ADAMTSL1: variants seen among roughly 807,000 people sequenced by gnomAD.
ADAMTSL1 encodes the protein ADAMTS like 1.
ADAMTSL1 carries 126 observed loss-of-function variants against 201.8 expected under a neutral mutation model. That is an observed-to-expected ratio of 0.62 (90% confidence interval 0.54 to 0.72). ADAMTSL1 has a LOEUF of 0.72. ADAMTSL1 is among the 30% of genes least tolerant of loss of function. The pLI is 0.00. For missense variants in ADAMTSL1, 2,679 were observed against 2,277.8 expected, an observed-to-expected ratio of 1.18 and a Z score of -3.59; for synonymous variants, 1,121 against 903.4, an observed-to-expected ratio of 1.24 and a Z score of -4.32.
At chr9:18,642,424 A>AT (rs1401229141) in intron 7 of ADAMTSL1, among the ~76,000 whole-genome samples, 1 of 152,020 alleles carries the variant, frequency 6.6e-6, no homozygotes, top group Non-Finnish European at 1.5e-5. Flanking sequence ...ATATTTATCA[A>AT]TTTTTTGTGT....
intron 23 of ADAMTSL1, among the ~76,000 whole-genome samples, chr9:18,836,540 T>C (rs1241425667): frequency 1.3e-5 from 2 of 152,132 alleles, no homozygotes; most frequent in African/African-American, 2.4e-5. Context: ...ATGATGCTTC[T>C]ATCTTTGTTC....
intron 13 of ADAMTSL1, among the ~76,000 whole-genome samples, chr9:18,698,252 G>T (rs1831683878): frequency 6.6e-6 from 1 of 152,102 alleles, no homozygotes; most frequent in Admixed American, 6.6e-5. Context: ...TTGGAAGATA[G>T]CACAAAGCCA....
intron 2 of ADAMTSL1, among the ~76,000 whole-genome samples, chr9:18,426,669 C>G (rs757692394): frequency 1.3e-5 from 2 of 152,028 alleles, no homozygotes; most frequent in African/African-American, 4.8e-5. Context: ...AGGGACATAG[C>G]TCTGAGCCCG....
At chr9:18,774,162 A>T (rs745851980) in intron 17 of ADAMTSL1, among the ~76,000 whole-genome samples, 51 of 152,040 alleles carry the variant, frequency 3.4e-4, no homozygotes, top group Non-Finnish European at 5.1e-4. Flanking sequence ...TCCTTCCCCG[A>T]TGCCCTGCCT....
At chr9:18,045,773 T>TCTTATAAGGACACCAGTCATGGG (rs1586942689) in intron 1 of ADAMTSL1, among the ~76,000 whole-genome samples, 1 of 151,986 alleles carries the variant, frequency 6.6e-6, no homozygotes, top group East Asian at 1.9e-4. Context: ...TTGTGTGGCC[T>TCTTATAAGGACACCAGTCATGGG]TTTTCTACTC....
intron 1 of ADAMTSL1, among the ~76,000 whole-genome samples, chr9:17,908,842 G>A (rs1236018022): frequency 6.6e-6 from 1 of 152,116 alleles, no homozygotes; most frequent in Non-Finnish European, 1.5e-5. Context: ...ACCCAGTAAT[G>A]GGATGGCTGG....
intron 2 of ADAMTSL1, among the ~76,000 whole-genome samples, chr9:18,171,723 C>T (rs1827898476): frequency 6.6e-6 from 1 of 152,056 alleles, no homozygotes; most frequent in South Asian, 2.1e-4. Context: ...GTTGCCATTG[C>T]TTTTGGTGTT....
At chr9:18,399,329 A>ACATATATATAT (rs1817889983) in intron 2 of ADAMTSL1, among the ~76,000 whole-genome samples, 1 of 105,470 alleles carries the variant, frequency 9.5e-6, no homozygotes, top group Non-Finnish European at 1.9e-5. Context: ...ATATATATAT[A>ACATATATATAT]AAATTATTAT....
At chr9:18,888,182 A>C (rs996129202) in intron 24 of ADAMTSL1, 139 bp downstream of exon 24, 2 of 856,784 alleles carry the variant, frequency 2.3e-6, no homozygotes, top group African/African-American at 3.4e-5. Flanking sequence ...CCATGTTTCC[A>C]TACAGTGAGA....
chr9:18,520,905 C>T (rs1006935283), intron 2 of ADAMTSL1, among the ~76,000 whole-genome samples: 2 of 152,118 alleles, frequency 1.3e-5, no homozygotes, highest in African/African-American at 2.4e-5. Context: ...ACTGCTTCTG[C>T]GTGGGATTCA....
At chr9:18,428,943 G>A (rs145690887) in intron 2 of ADAMTSL1, among the ~76,000 whole-genome samples, 1,771 of 152,202 alleles carry the variant, frequency 0.012, 13 homozygotes, top group Non-Finnish European at 0.018. Flanking sequence ...GTGTATAAAC[G>A]TCTCCCTGGA....
chr9:18,592,418 A>G (rs1257210689), intron 4 of ADAMTSL1, among the ~76,000 whole-genome samples: 1 of 152,110 alleles, frequency 6.6e-6, no homozygotes, highest in Non-Finnish European at 1.5e-5. Flanking sequence ...CATCTTTCCA[A>G]TTTGCTTCAA....
At chr9:18,874,120 A>C (rs994968898) in intron 23 of ADAMTSL1, among the ~76,000 whole-genome samples, 1 of 152,084 alleles carries the variant, frequency 6.6e-6, no homozygotes, top group African/African-American at 2.4e-5. Flanking sequence ...TAGCAGGGCT[A>C]CTGATTTGTA....
At chr9:18,683,738 T>C (rs910572517) in intron 12 of ADAMTSL1, among the ~76,000 whole-genome samples, 6 of 152,254 alleles carry the variant, frequency 3.9e-5, no homozygotes, top group African/African-American at 1.4e-4. Context: ...TTATTAGCTT[T>C]ATCTTTACCA....
chr9:18,303,347 C>T (rs1337734167), intron 2 of ADAMTSL1, among the ~76,000 whole-genome samples: 2 of 152,198 alleles, frequency 1.3e-5, no homozygotes, highest in East Asian at 3.8e-4. Flanking sequence ...CAGAACTAGT[C>T]AGGTCTTCCA....
At chr9:18,421,349 A>G (rs1279877185) in intron 2 of ADAMTSL1, among the ~76,000 whole-genome samples, 3 of 152,146 alleles carry the variant, frequency 2.0e-5, no homozygotes, top group African/African-American at 7.2e-5. Context: ...TTCATACTGC[A>G]AAGTTCTTAC....
At chr9:18,693,479 T>C (rs1319327352) in intron 13 of ADAMTSL1, among the ~76,000 whole-genome samples, 1 of 152,230 alleles carries the variant, frequency 6.6e-6, no homozygotes, top group Non-Finnish European at 1.5e-5. Flanking sequence ...TTCTTATGGT[T>C]TCTATAGCCA....
At chr9:18,348,541 A>G (rs10963582) in intron 2 of ADAMTSL1, among the ~76,000 whole-genome samples, 2,255 of 152,346 alleles carry the variant, frequency 0.015, 33 homozygotes, top group Middle Eastern at 0.031. Context: ...AGTAGATTCT[A>G]AAATTCTCTA....
At chr9:17,970,601 C>G (rs1348423972) in intron 1 of ADAMTSL1, among the ~76,000 whole-genome samples, 1 of 151,988 alleles carries the variant, frequency 6.6e-6, no homozygotes, top group African/African-American at 2.4e-5. Flanking sequence ...TTTGCTGTTT[C>G]CTGTGTACAG....
Sources: gnomAD v4.1 joint callset for allele counts (sites outside exome capture counted in the v4.1 genomes callset) on GRCh38, gnomAD v4.1.1 for gene constraint, MANE v1.5 for transcripts, NCBI Gene and HGNC (gene_info 2026-07-23, HGNC 2026-07-21) for gene names.